Variants in PAK1IP1 observed in about 807,000 individuals in gnomAD.
PAK1IP1 encodes p21-activated protein kinase-interacting protein 1.
Under a neutral mutation model 42.0 loss-of-function variants are expected in PAK1IP1, and 24 were observed. The ratio of observed to expected loss-of-function variants is 0.57; its 90% CI spans 0.41 to 0.80. The LOEUF is 0.80. PAK1IP1 is among the 30% of genes least tolerant of loss of function. The probability of loss-of-function intolerance (pLI) is 0.00; values close to 1 mark genes in which losing one functional copy is unlikely to be tolerated. For synonymous variants in PAK1IP1, 154 were observed against 156.7 expected, an observed-to-expected ratio of 0.98 and a Z score of 0.13; for missense variants, 411 against 467.9, an observed-to-expected ratio of 0.88 and a Z score of 1.12.
In PAK1IP1 at chr6:10,700,058, CT is replaced by C. The variant is rs200469018; in HGVS notation, c.248-2302del. 7.3e-3 allele frequency among the ~76,000 whole-genome samples: 1,083 copies of C among 149,000 alleles called. 12 individuals are homozygous for C. The highest frequency in any genetic ancestry group is 0.021 in the African/African-American group (830 of 40,398). ...GCAAACAAACAAACGAAAAAAACAA[CT>C]TTTTTTTTGGCGGGGGCGGGGGGGC... On this transcript the variant is annotated intron_variant, in intron 2 of 9. Transcript: ENST00000379568.
chr6:10,695,747 A>G (rs751330228), intron 1 of PAK1IP1, among the ~76,000 whole-genome samples: 1 of 152,196 alleles, frequency 6.6e-6, no homozygotes, highest in African/African-American at 2.4e-5. Context: ...CATCTAGCTC[A>G]CTTTTATTCT....
At position 10,704,489 on chromosome 6, in the gene PAK1IP1, G is replaced by A. The variant is rs765692718; in HGVS notation, c.497-18G>A. The A allele has an allele frequency of 1.2e-5, 18 of 1,480,578 alleles. No homozygotes were observed. The highest frequency in any genetic ancestry group is 8.9e-5 in the South Asian group (7 of 78,840). The allele number at this position is 1,480,578 out of a possible 1,614,324, so 91.7% of individuals were successfully genotyped here. A position where few individuals can be genotyped will look rare whatever the true frequency, so the allele number is the denominator to read the frequency against. Reference sequence around the variant, plus strand: ...TTTATTTACAAAATAAATAAACTTCGTTTTTTTCCACTTACAGATGCTCAC... The same window carrying A: ...TTTATTTACAAAATAAATAAACTTCATTTTTTTCCACTTACAGATGCTCAC... On this transcript the variant is annotated intron_variant, in intron 5 of 9. Coordinates refer to ENST00000379568, the MANE Select transcript of PAK1IP1 (RefSeq NM_017906.3).
At position 10,704,566 on chromosome 6, in the gene PAK1IP1, A is replaced by G; in HGVS notation, c.556A>G (p.Lys186Glu). ...GCAGTATGTAGTTATCATACAGAATAAAATAGACATCTATCAGCTTGACAC... is the reference window on the plus strand; with the variant it reads ...GCAGTATGTAGTTATCATACAGAATGAAATAGACATCTATCAGCTTGACAC... ...GEQYVVIIQN[K>E]IDIYQLDTAS... Residue 186 changes from lysine to glutamate, a missense_variant, in exon 6 of 10, where the codon AAA (lysine) becomes GAA (glutamate). Transcript: ENST00000379568. The G allele has an allele frequency of 6.3e-7, 1 of 1,598,208 alleles. No homozygotes were observed. Among genetic ancestry groups the G allele is most frequent in the Non-Finnish European group, 8.6e-7 (1 of 1,166,770 alleles).
At chr6:10,698,298 A>C (rs963386668) in intron 2 of PAK1IP1, among the ~76,000 whole-genome samples, 2 of 152,134 alleles carry the variant, frequency 1.3e-5, no homozygotes, top group Non-Finnish European at 2.9e-5. Context: ...CTAGTTTCAA[A>C]GATGTAGCGT....
chr6:10,697,384 G>C lies in PAK1IP1; in HGVS notation c.145G>C (p.Ala49Pro), dbSNP rs946134331. 6.2e-7 allele frequency: 1 copy of C among 1,613,866 alleles called. No individual in the cohort carries two copies. Among genetic ancestry groups the C allele is most frequent in the South Asian group, 1.1e-5 (1 of 91,072 alleles). Residue 49 changes from alanine to proline, a missense_variant, in exon 2 of 10, where the codon GCT (alanine) becomes CCT (proline). Ala to Pro is a conservative substitution (Grantham distance 27, BLOSUM62 -1). Transcript: ENST00000379568. Reference protein sequence around the residue: ...HAHTASLSAVAVNSRFVVTGS... With the variant: ...HAHTASLSAVPVNSRFVVTGS... ...TCACACTGCCTCCTTGTCAGCAGTA[G>C]CTGTAAATAGTCGTTTTGTGGTCAC...
At chr6:10,705,138 C>A (rs887718384) in intron 7 of PAK1IP1, among the ~76,000 whole-genome samples, 2 of 152,052 alleles carry the variant, frequency 1.3e-5, no homozygotes, top group Admixed American at 1.3e-4. Flanking sequence ...TCCTGGCCAA[C>A]ATGGTGAAAC....
chr6:10,707,297 G>A, intron 7 of PAK1IP1, 118 bp from the exon 8 acceptor site: 1 of 680,596 alleles, frequency 1.5e-6, no homozygotes, highest in East Asian at 2.6e-5. Flanking sequence ...ACCATTCATT[G>A]AGCAGTTTGG....
chr6:10,707,395 T>C lies in PAK1IP1; in HGVS notation c.741-20T>C. The C allele has an allele frequency of 7.9e-7, 1 of 1,266,992 alleles. No homozygotes were observed. Among genetic ancestry groups the C allele is most frequent in the Non-Finnish European group, 1.2e-6 (1 of 863,792 alleles). 78.5% of individuals were successfully genotyped at this position (1,266,992 alleles called of 1,614,324 possible). ...ATTTGGAGGAAAAGATCTTTTATGG[T>C]GTTAATATTTCTATCCTAGGGTAAA... On this transcript the variant is annotated intron_variant, in intron 7 of 9. Transcript: ENST00000379568.
At chr6:10,694,345 C>G (rs921209504), upstream of PAK1IP1, 1 of 152,440 alleles carries the variant, frequency 6.6e-6, no homozygotes, top group Non-Finnish European at 1.5e-5. Context: ...CAGAGTTAGA[C>G]AAGCAGACAG....
chr6:10,700,806 CT>C (rs1469743180), intron 2 of PAK1IP1, among the ~76,000 whole-genome samples: 1 of 152,014 alleles, frequency 6.6e-6, no homozygotes, highest in Non-Finnish European at 1.5e-5. Context: ...TGTATAAATC[CT>C]TTTTTTCTTT....
intron 1 of PAK1IP1, among the ~76,000 whole-genome samples, chr6:10,695,959 T>C (rs1012838374): frequency 6.8e-6 from 1 of 148,022 alleles, no homozygotes; most frequent in African/African-American, 2.6e-5. Flanking sequence ...GATGATGCTA[T>C]TTAATTTTTT....
At chr6:10,692,615 A>G (rs1769434581), upstream of PAK1IP1, among the ~76,000 whole-genome samples, 1 of 152,006 alleles carries the variant, frequency 6.6e-6, no homozygotes, top group Admixed American at 6.6e-5. Flanking sequence ...TAATTTTTGT[A>G]TTTTTAGTAG....
chr6:10,698,843 T>C (rs1769938579), intron 2 of PAK1IP1, among the ~76,000 whole-genome samples: 1 of 152,186 alleles, frequency 6.6e-6, no homozygotes, highest in Non-Finnish European at 1.5e-5. Context: ...GGTAGAAGGA[T>C]TGAGTTACAA....
upstream of PAK1IP1, among the ~76,000 whole-genome samples, chr6:10,693,648 C>T (rs898165112): frequency 1.3e-5 from 2 of 152,328 alleles, no homozygotes; most frequent in East Asian, 3.9e-4. Flanking sequence ...GAGAACTATA[C>T]GAACCAAGAT....
rs1484061175 is a variant in PAK1IP1 at position 10,709,031 on chromosome 6, G to A, written c.919G>A (p.Ala307Thr). 1.9e-6 allele frequency: 3 copies of A among 1,613,202 alleles called. No homozygotes were observed. Among genetic ancestry groups the A allele is most frequent in the Non-Finnish European group, 1.7e-6 (2 of 1,179,308 alleles). The change falls in exon 9 of 10, where the codon GCA becomes ACA. Residue 307 changes from alanine (A) to threonine (T), a missense_variant. Ala to Thr is a moderately conservative substitution (Grantham distance 58). Transcript: ENST00000379568. ...TCTTGGAGTGTGGCTAGACAAAGTG[G>A]CAGACATGAAAGAAAGCCTTCCTCC... is the stretch of plus-strand genomic sequence containing the variant. ...TCLGVWLDKV[A>T]DMKESLPPAA...
chr6:10,703,941 A>G lies in PAK1IP1; in HGVS notation c.496+484A>G, dbSNP rs115274067. Among the ~76,000 whole-genome samples, 879 of 152,220 alleles carry G rather than the reference A, an allele frequency of 5.8e-3. 8 individuals carry two copies. The highest frequency in any genetic ancestry group is 0.02 in the African/African-American group (834 of 41,556). On this transcript the variant is annotated intron_variant, in intron 5 of 9. Transcript: ENST00000379568. ...ATGCCTTGGGTTACTTTCTTTTCCCATTTTAGACTAGATTCTTTTTGTGGC... is the reference window on the plus strand; with the variant it reads ...ATGCCTTGGGTTACTTTCTTTTCCCGTTTTAGACTAGATTCTTTTTGTGGC...
upstream of PAK1IP1, chr6:10,694,610 G>T (rs933694354): frequency 1.0e-5 from 2 of 196,814 alleles, no homozygotes; most frequent in South Asian, 7.3e-5. Flanking sequence ...GCAACCGGCC[G>T]GAAGTCGGCC....
intron 8 of PAK1IP1, among the ~76,000 whole-genome samples, chr6:10,708,346 G>A (rs907424726): frequency 1.1e-4 from 16 of 152,078 alleles, no homozygotes; most frequent in Non-Finnish European, 2.2e-4. Context: ...GGTTCATCAT[G>A]TTATAGCATA....
In PAK1IP1 at chr6:10,708,993, C is replaced by T. The variant is rs1193312289; in HGVS notation, c.881C>T (p.Ala294Val). Reference protein sequence around the residue: ...PSLLCEINTNARLTCLGVWLD... With the variant: ...PSLLCEINTNVRLTCLGVWLD... ...TTACTCTGTGAAATAAACACTAATG[C>T]CAGGCTGACGTGTCTTGGAGTGTGG... Residue 294 changes from alanine (A) to valine (V), a missense_variant, in exon 9 of 10, where the codon GCC becomes GTC. Coordinates refer to ENST00000379568, the MANE Select transcript of PAK1IP1 (RefSeq NM_017906.3). 2 of 1,611,458 alleles carry T rather than the reference C, an allele frequency of 1.2e-6. No homozygotes were observed. The highest frequency in any genetic ancestry group is 1.7e-6 in the Non-Finnish European group (2 of 1,177,760).
Sources: allele counts gnomAD v4.1 joint callset (sites outside exome capture counted in the v4.1 genomes callset), GRCh38; gene constraint gnomAD v4.1.1; transcripts MANE v1.5; gene names NCBI Gene and HGNC (gene_info 2026-07-23, HGNC 2026-07-21).